The following EML3 variants were observed in gnomAD, a reference collection of about 807,000 sequenced individuals.
EML3 encodes echinoderm microtubule-associated protein-like 3.
A neutral mutation model predicts 106.7 loss-of-function variants in EML3; 53 were observed. The ratio of observed to expected loss-of-function variants is 0.50; its 90% confidence interval spans 0.40 to 0.62. The LOEUF (loss-of-function observed/expected upper bound fraction) is 0.62, where lower values mean the gene tolerates loss of function less well. Ranked by LOEUF, EML3 falls within the 20% of genes least tolerant of loss-of-function variation. EML3 has a pLI of 0.00. For missense variants in EML3, 994 were observed against 1,209.1 expected (o/e 0.82, Z 2.64); for synonymous variants, 499 against 489.6 (o/e 1.02, Z -0.25).
At position 62,605,976 on chromosome 11, in the gene EML3, G is replaced by C; in HGVS notation, c.1661C>G (p.Pro554Arg). 2 of 1,614,098 alleles carry C rather than the reference G, an allele frequency of 1.2e-6. No individual in the cohort carries two copies. Among genetic ancestry groups the C allele is most frequent in the Non-Finnish European group, 1.7e-6 (2 of 1,180,036 alleles). ...GGCTCGCACGGCCCCGAAGTGCTCG[G>C]GAATCTGCAGAGTGGTAGCAGAATG... ...GLVALQEAEI[P>R]EHFGAVRAIA... The change falls in exon 14 of 22, where the codon CCC (proline) becomes CGC (arginine). Residue 554 changes from proline to arginine, a missense_variant. By Grantham distance (103) the Pro-to-Arg change is moderately radical. Transcript: ENST00000394773. This position sits in a 1 kb window ranked among gnomAD's most constrained non-coding sequence, Gnocchi z 5.2.
At position 62,605,796 on chromosome 11, in the gene EML3, C is replaced by A; in HGVS notation, c.1783-23G>T. ...GCCCTGCAGCACAGCATGACTGTCA[C>A]TCCTGCCCCTCTCTCACACCCCTTT... On this transcript the variant is annotated intron_variant, in intron 14 of 21. Coordinates refer to ENST00000394773, the MANE Select transcript of EML3 (RefSeq NM_153265.3). This position sits in a 1 kb window ranked among gnomAD's most constrained non-coding sequence, Gnocchi z 5.2. 1 of 1,604,288 alleles carries A rather than the reference C, an allele frequency of 6.2e-7. No homozygotes were observed. The highest frequency in any genetic ancestry group is 8.5e-7 in the Non-Finnish European group (1 of 1,174,424).
rs1942706169 is a variant in EML3 at position 62,609,528 on chromosome 11, C to A, written c.635-51G>T. On this transcript the variant is annotated intron_variant, in intron 5 of 21. Transcript: ENST00000394773. ...CTACCCCCTTCCAGGAAAGACAGAGCAGAACCCTACCCACCACACCTACCC... is the reference window on the plus strand; with the variant it reads ...CTACCCCCTTCCAGGAAAGACAGAGAAGAACCCTACCCACCACACCTACCC... The A allele has an allele frequency of 1.2e-5, 19 of 1,548,820 alleles. No individual in the cohort carries two copies. The East Asian group carries it at 4.1e-4, about 33-fold the overall frequency.
chr11:62,604,670 C>T (rs1942425100), intron 16 of EML3: 1 of 206,920 alleles, frequency 4.8e-6, no homozygotes, highest in African/African-American at 2.3e-5. Context: ...AGCCACCGCA[C>T]CTGGCCACCA....
rs1942896641 is a variant in EML3, at chr11:62,612,669, G to C, written c.-212C>G. 1 of 403,510 alleles carries C rather than the reference G, an allele frequency of 2.5e-6. No homozygotes were observed. The allele number at this position is 403,510 out of a possible 1,614,324, so 25.0% of individuals were successfully genotyped here. ...AGTCTCCAGACCCCCCCGGGCCCTC[G>C]GACTCTCCCGGGGCCGCTCTCGGCT... On this transcript the variant is annotated 5_prime_UTR_variant, in exon 1 of 22. Coordinates refer to ENST00000394773, the MANE Select transcript of EML3 (RefSeq NM_153265.3).
At chr11:62,608,680 A>G in intron 8 of EML3, 28 bp from the exon 9 acceptor site, 1 of 1,614,160 alleles carries the variant, frequency 6.2e-7, no homozygotes, top group East Asian at 2.2e-5. Context: ...ACAAGTGTGA[A>G]GCAAAATTGG....
intron 1 of EML3, chr11:62,612,018 A>C (rs568146757): frequency 4.9e-5 from 18 of 363,796 alleles, no homozygotes; most frequent in Non-Finnish European, 8.0e-5. Flanking sequence ...CAGGAGAGAG[A>C]ACGGGGTGCG....
At chr11:62,609,293 A>T (rs1942691677) in intron 6 of EML3, 61 bp downstream of exon 6, 1 of 1,535,580 alleles carries the variant, frequency 6.5e-7, no homozygotes, top group African/African-American at 1.4e-5. Context: ...GAAACTGTAA[A>T]GGTAAGAGGG....
chr11:62,609,683 CT>C lies in EML3; in HGVS notation c.579del (p.Asp194ThrfsTer23). On this transcript the variant is annotated frameshift_variant, in exon 5 of 22. Transcript: ENST00000394773. LOFTEE classifies it high-confidence loss of function. ...GGGCCCCCAGGGCTGGAGAGGGGGT[CT>C]TTTCCCCCACGGCTGTTGGGAAGAG... ...RSGSTESRGG[K>X]DPLSSPGGPG... The C allele has an allele frequency of 1.9e-6, 3 of 1,602,930 alleles. No individual in the cohort carries two copies. Among genetic ancestry groups the C allele is most frequent in the Admixed American group, 3.5e-5 (2 of 57,928 alleles).
chr11:62,603,031 G>C (rs1351229545), intron 20 of EML3, 118 bp downstream of exon 20: 3 of 1,528,894 alleles, frequency 2.0e-6, no homozygotes, highest in South Asian at 1.2e-5. Flanking sequence ...GGGGCCTCCT[G>C]GGCTGGATCT....
intron 11 of EML3, 162 bp from the exon 12 acceptor site, chr11:62,607,261 A>G: frequency 6.6e-6 from 5 of 757,318 alleles, no homozygotes; most frequent in Non-Finnish European, 1.0e-5. Flanking sequence ...CAGCCTGGCC[A>G]ATATGGTGAA....
At chr11:62,612,395 C>G in intron 1 of EML3, 41 bp downstream of exon 1, 1 of 1,498,754 alleles carries the variant, frequency 6.7e-7, no homozygotes, top group Non-Finnish European at 8.9e-7. Context: ...GAGCCGGGCG[C>G]TCCGGGAAGG....
chr11:62,608,801 C>T lies in EML3; in HGVS notation c.934G>A (p.Ala312Thr). 6.4e-7 allele frequency: 1 copy of T among 1,573,588 alleles called. No homozygotes were observed. The highest frequency in any genetic ancestry group is 8.6e-7 in the Non-Finnish European group (1 of 1,157,470). ...ACCCGAACACCATCAGGGTGAACAG[C>T]AAGGCTAAGGCAGGGGGAAGACACT... The part of the protein sequence containing the change: ...RGHTDCVRCL[A>T]VHPDGVRVAS... The change falls in exon 8 of 22, where the codon GCT (alanine) becomes ACT (threonine). Residue 312 changes from alanine to threonine, a missense_variant. Physicochemically the swap from Ala to Thr is moderately conservative, Grantham distance 58. Coordinates refer to ENST00000394773, the MANE Select transcript of EML3 (RefSeq NM_153265.3).
At chr11:62,612,180 G>T in intron 1 of EML3, 2 of 516,418 alleles carry the variant, frequency 3.9e-6, no homozygotes, top group Non-Finnish European at 6.8e-6. Context: ...GAAGAGGCCC[G>T]GAGTAACGCA....
At chr11:62,606,446 C>T in intron 12 of EML3, 1 of 591,460 alleles carries the variant, frequency 1.7e-6, no homozygotes. Context: ...AATAGCAAAA[C>T]TGGAATCTGA....
rs144366119 is a variant in EML3 at position 62,605,879 on chromosome 11, G to A, written c.1758C>T (p.Ala586=). 74 of 1,614,066 alleles carry A rather than the reference G, an allele frequency of 4.6e-5. No homozygotes were observed. Among genetic ancestry groups the A allele is most frequent in the Non-Finnish European group, 6.2e-5 (73 of 1,180,044 alleles). Reference sequence around the variant, plus strand: ...CCTGGATTACAGGGGAGAAGCCCTGGGCCAGGTCTCCCCTCAGCAATGCAT... The same window carrying A: ...CCTGGATTACAGGGGAGAAGCCCTGAGCCAGGTCTCCCCTCAGCAATGCAT... ...TKNALLRGDL[A]QGFSPVIQGH... is the part of the protein sequence containing the mutation. The change falls in exon 14 of 22, where the codon GCC becomes GCT. Residue 586 remains alanine, a synonymous_variant. Transcript: ENST00000394773. This position sits in a 1 kb window ranked among gnomAD's most constrained non-coding sequence, Gnocchi z 5.2.
rs142385289 is a variant in EML3, at chr11:62,606,024, T to C, written c.1656+39A>G. On this transcript the variant is annotated intron_variant, in intron 13 of 21. Transcript: ENST00000394773. ...ATGTCAAGAGCCCACTGACTATTGCTCTTCTCCCTCACTCCCTTGACCCCA... is the reference window on the plus strand; with the variant it reads ...ATGTCAAGAGCCCACTGACTATTGCCCTTCTCCCTCACTCCCTTGACCCCA... The C allele has an allele frequency of 1.2e-3, 1,887 of 1,613,482 alleles. 18 individuals are homozygous for C. The African/African-American group carries it at 0.022, about 19-fold the overall frequency.
chr11:62,602,453 A>C lies in EML3; in HGVS notation c.*22T>G, dbSNP rs1942268895. The C allele has an allele frequency of 1.3e-6, 2 of 1,544,056 alleles. No individual in the cohort carries two copies. The highest frequency in any genetic ancestry group is 2.0e-5 in the Admixed American group (1 of 50,470). On this transcript the variant is annotated 3_prime_UTR_variant, in exon 22 of 22. Coordinates refer to ENST00000394773, the MANE Select transcript of EML3 (RefSeq NM_153265.3). The stretch of plus-strand genomic sequence containing the variant: ...CGGGGCGGGGCCACGCCGCCGGGCC[A>C]GTCGGTCCCGCCAGGCAGCGATCAA...
chr11:62,611,371 G>T lies in EML3; in HGVS notation c.195-27C>A, dbSNP rs1942814634. ...TGCTGGAGAGATGTTGAATTAACCT[G>T]AAGCCCCAGAGGCCCCAAGGAGGAG... On this transcript the variant is annotated intron_variant, in intron 2 of 21. Coordinates refer to ENST00000394773, the MANE Select transcript of EML3 (RefSeq NM_153265.3). 4 of 1,613,406 alleles carry T rather than the reference G, an allele frequency of 2.5e-6. No individual in the cohort carries two copies. The South Asian group carries it at 4.4e-5, about 18-fold the overall frequency.
chr11:62,610,776 G>T, intron 4 of EML3, 103 bp downstream of exon 4: 6 of 1,008,972 alleles, frequency 5.9e-6, no homozygotes, highest in Non-Finnish European at 8.8e-6. Flanking sequence ...TTCCTGTTGG[G>T]CAATCAGGTC....
Sources: gnomAD v4.1 joint callset for allele counts on GRCh38, gnomAD v4.1.1 for gene constraint, Gnocchi (gnomAD v3.1) non-coding constraint, MANE v1.5 for transcripts, NCBI Gene and HGNC (gene_info 2026-07-23, HGNC 2026-07-21) for gene names.